RERE: variants seen among roughly 807,000 people sequenced by gnomAD.
RERE encodes the protein arginine-glutamic acid dipeptide repeats.
RERE carries 40 observed loss-of-function variants against 146.1 expected under a neutral mutation model. The ratio of observed to expected loss-of-function variants is 0.27; its 90% CI spans 0.21 to 0.36. The LOEUF (loss-of-function observed/expected upper bound fraction) is 0.36. Among genes scored for constraint, RERE ranks in the 10% least tolerant of loss-of-function variants. RERE has a pLI of 1.00. For missense variants in RERE, 1,933 were observed against 2,138.7 expected (o/e 0.90, Z 1.90); for synonymous variants, 1,003 against 866.0 (o/e 1.16, Z -2.78).
chr1:8,625,656 T>C (rs543245843), intron 2 of RERE, among the ~76,000 whole-genome samples: 1 of 152,266 alleles, frequency 6.6e-6, no homozygotes, highest in South Asian at 2.1e-4. Context: ...AATGAGTGTA[T>C]CTTACAATAA....
At chr1:8,508,089 AATAG>A (rs1305167251) in intron 8 of RERE, among the ~76,000 whole-genome samples, 8 of 152,244 alleles carry the variant, frequency 5.3e-5, no homozygotes, top group Admixed American at 2.6e-4. Flanking sequence ...TCAATGGATG[AATAG>A]ATAAACAGTG....
intron 4 of RERE, among the ~76,000 whole-genome samples, chr1:8,588,158 C>T (rs1466402440): frequency 6.6e-6 from 1 of 152,202 alleles, no homozygotes; most frequent in Non-Finnish European, 1.5e-5. Context: ...TCTTTTCCCT[C>T]CTGCGCAATG....
At chr1:8,418,686 T>C (rs1410493756) in intron 12 of RERE, among the ~76,000 whole-genome samples, 1 of 152,244 alleles carries the variant, frequency 6.6e-6, no homozygotes, top group Non-Finnish European at 1.5e-5. Context: ...AATTATCTCA[T>C]GATTTTGAAG....
At chr1:8,675,468 G>A (rs1308139267) in intron 1 of RERE, among the ~76,000 whole-genome samples, 1 of 141,140 alleles carries the variant, frequency 7.1e-6, no homozygotes, top group Non-Finnish European at 1.5e-5. Flanking sequence ...AGACCAACCT[G>A]GGCAACGTCG....
chr1:8,796,467 G>A (rs1342465542), intron 1 of RERE: 1 of 151,610 alleles, frequency 6.6e-6, no homozygotes, highest in Non-Finnish European at 1.5e-5. Flanking sequence ...GCAACTAAAA[G>A]GCAAAGGAAC....
intron 4 of RERE, among the ~76,000 whole-genome samples, chr1:8,593,915 A>G (rs961572076): frequency 6.6e-6 from 1 of 152,150 alleles, no homozygotes; most frequent in Non-Finnish European, 1.5e-5. Context: ...ACAGGAGGAG[A>G]CTAGATACCT....
intron 1 of RERE, among the ~76,000 whole-genome samples, chr1:8,667,090 T>A (rs1638592179): frequency 6.6e-6 from 1 of 152,190 alleles, no homozygotes; most frequent in African/African-American, 2.4e-5. Context: ...TAGCACTTCC[T>A]CATCTCCTTT....
intron 1 of RERE, among the ~76,000 whole-genome samples, chr1:8,766,980 CA>C (rs1019248575): frequency 6.6e-6 from 1 of 152,112 alleles, no homozygotes; most frequent in African/African-American, 2.4e-5. Context: ...CAACATGTAT[CA>C]AAAACTGCAT....
chr1:8,550,177 A>G (rs1371033654), intron 6 of RERE, among the ~76,000 whole-genome samples: 1 of 152,218 alleles, frequency 6.6e-6, no homozygotes, highest in Non-Finnish European at 1.5e-5. Flanking sequence ...GTGTGTCTAA[A>G]AATAGCTCCA....
chr1:8,616,807 A>G (rs1646857336), intron 3 of RERE, among the ~76,000 whole-genome samples: 1 of 152,232 alleles, frequency 6.6e-6, no homozygotes, highest in Admixed American at 6.5e-5. Context: ...CCACGAGTGA[A>G]GACAAATTGC....
intron 1 of RERE, among the ~76,000 whole-genome samples, chr1:8,705,174 GAGA>G (rs756566481): frequency 6.6e-6 from 1 of 152,196 alleles, no homozygotes; most frequent in African/African-American, 2.4e-5. Flanking sequence ...AAAGGCTGGT[GAGA>G]AGAAGCAAAC....
intron 1 of RERE, among the ~76,000 whole-genome samples, chr1:8,749,329 C>T (rs1251205536): frequency 6.6e-6 from 1 of 151,848 alleles, no homozygotes; most frequent in Non-Finnish European, 1.5e-5. Context: ...ATTATTCCTG[C>T]CACTGGGAAT....
At position 8,661,297 on chromosome 1, in the gene RERE, G is replaced by T. The variant is rs559448076; in HGVS notation, c.-144-4856C>A. On this transcript the variant is annotated intron_variant, in intron 1 of 22. Coordinates refer to ENST00000400908, the MANE Select transcript of RERE (RefSeq NM_001042681.2). ...CAGAGGGGCAGGAATAGCACAAAAA[G>T]GGGGAGAGAGGTCAGAGATGAGTTC... Among the ~76,000 whole-genome samples, 12 of 152,310 alleles carry T rather than the reference G, an allele frequency of 7.9e-5. No homozygotes were observed. The South Asian group carries it at 2.5e-3, about 32-fold the overall frequency.
At chr1:8,517,537 AAAT>A (rs1202719439) in intron 7 of RERE, among the ~76,000 whole-genome samples, 2 of 152,230 alleles carry the variant, frequency 1.3e-5, no homozygotes, top group South Asian at 2.1e-4. Context: ...TAGCTAATGT[AAAT>A]AATATGTTTT....
At chr1:8,675,254 G>T (rs753489165) in intron 1 of RERE, among the ~76,000 whole-genome samples, 7 of 152,038 alleles carry the variant, frequency 4.6e-5, no homozygotes, top group Admixed American at 1.3e-4. Context: ...GATATGTGCT[G>T]CTTTCTTCCC....
chr1:8,353,638 C>G lies in RERE; in HGVS notation c.*1449G>C, dbSNP rs192918686. 1.3e-5 allele frequency: 2 copies of G among 152,396 alleles called. No individual in the cohort carries two copies. Among genetic ancestry groups the G allele is most frequent in the Admixed American group, 1.3e-4 (2 of 15,312 alleles). 9.4% of individuals were successfully genotyped at this position (152,396 alleles called of 1,614,324 possible). ...TGCAGCCTGGAAACGAGGGCAGGCT[C>G]TCTCCAGGACGGTTCCGCTCAGAAG... On this transcript the variant is annotated 3_prime_UTR_variant, in exon 23 of 23. Transcript: ENST00000400908.
At chr1:8,690,122 G>A (rs926916640) in intron 1 of RERE, among the ~76,000 whole-genome samples, 1 of 152,176 alleles carries the variant, frequency 6.6e-6, no homozygotes, top group Non-Finnish European at 1.5e-5. Context: ...GGCTTAAACA[G>A]CAAAAATTTA....
At chr1:8,791,868 C>A (rs1230654625) in intron 1 of RERE, among the ~76,000 whole-genome samples, 1 of 152,060 alleles carries the variant, frequency 6.6e-6, no homozygotes, top group East Asian at 1.9e-4. Context: ...TGTCAGAAAC[C>A]ATTTAAAGAC....
At chr1:8,549,252 A>G (rs1298089343) in intron 6 of RERE, among the ~76,000 whole-genome samples, 1 of 152,202 alleles carries the variant, frequency 6.6e-6, no homozygotes, top group African/African-American at 2.4e-5. Context: ...TTAGAAAATA[A>G]AAAACGAGCC....
Sources: gnomAD v4.1 joint callset for allele counts (sites outside exome capture counted in the v4.1 genomes callset) on GRCh38, gnomAD v4.1.1 for gene constraint, MANE v1.5 for transcripts, NCBI Gene and HGNC (gene_info 2026-07-23, HGNC 2026-07-21) for gene names.